The following BLTP1 variants were observed in gnomAD, a reference collection of about 807,000 sequenced individuals.
The protein encoded by BLTP1 is bridge-like lipid transfer protein family member 1.
chr4:122,195,752 G>A, the BLTP1 span: 62 of 515,004 alleles, frequency 1.2e-4, no homozygotes, highest in Non-Finnish European at 1.4e-4. Flanking sequence ...AACATTTGCA[G>A]AACTTTATTT....
At chr4:122,180,405 A>G in the BLTP1 span, among the ~76,000 whole-genome samples, 1 of 152,210 alleles carries the variant, frequency 6.6e-6, no homozygotes, top group African/African-American at 2.4e-5. Flanking sequence ...ATGTGATATA[A>G]TGTTCAGAAT....
chr4:122,157,154 C>T, the BLTP1 span, among the ~76,000 whole-genome samples: 1 of 152,214 alleles, frequency 6.6e-6, no homozygotes, highest in African/African-American at 2.4e-5. Context: ...TTACCCTTCT[C>T]ATACTTTGTA....
the BLTP1 span, chr4:122,239,434 A>G: frequency 1.7e-6 from 2 of 1,167,228 alleles, no homozygotes; most frequent in East Asian, 5.1e-5. Flanking sequence ...AAAATTACTA[A>G]AAGGATTTTT....
the BLTP1 span, chr4:122,154,845 C>G: frequency 1.1e-4 from 40 of 368,890 alleles, no homozygotes; most frequent in Non-Finnish European, 1.4e-4. Context: ...GCACTCCAGC[C>G]TGGGCGACAG....
chr4:122,258,109 G>T, the BLTP1 span, among the ~76,000 whole-genome samples: 1 of 152,008 alleles, frequency 6.6e-6, no homozygotes. Flanking sequence ...AAAGATAGTG[G>T]ATATACATTT....
chr4:122,231,618 T>C, the BLTP1 span: 15 of 950,894 alleles, frequency 1.6e-5, no homozygotes, highest in Non-Finnish European at 1.9e-5. Flanking sequence ...AGTTACTAAT[T>C]TGAGAAAGCC....
chr4:122,344,873 T>C, the BLTP1 span: 2 of 984,798 alleles, frequency 2.0e-6, no homozygotes, highest in Non-Finnish European at 2.4e-6. Flanking sequence ...CTTCTAATTG[T>C]AAATGCTTAA....
chr4:122,297,320 T>C, the BLTP1 span, among the ~76,000 whole-genome samples: 2 of 152,174 alleles, frequency 1.3e-5, no homozygotes, highest in East Asian at 3.8e-4. Context: ...GCATCACTGA[T>C]CATCAGAGAA....
the BLTP1 span, among the ~76,000 whole-genome samples, chr4:122,290,213 A>G: frequency 1.3e-5 from 2 of 152,170 alleles, no homozygotes; most frequent in Non-Finnish European, 2.9e-5. Context: ...GAGCTGTAGA[A>G]TTTTACAAGT....
chr4:122,208,326 A>G, the BLTP1 span: 1 of 831,040 alleles, frequency 1.2e-6, no homozygotes, highest in Non-Finnish European at 1.5e-6. Flanking sequence ...GTTATTGGGC[A>G]GTATAGCTTA....
the BLTP1 span, among the ~76,000 whole-genome samples, chr4:122,352,219 T>C: frequency 1.3e-5 from 2 of 152,204 alleles, no homozygotes; most frequent in Admixed American, 1.3e-4. Context: ...TTTGTTCTTC[T>C]GCTTATTCAC....
the BLTP1 span, chr4:122,203,736 A>G: frequency 3.8e-6 from 1 of 264,748 alleles, no homozygotes; most frequent in African/African-American, 2.3e-5. Context: ...AGAAACTGGT[A>G]GGTAAACTAA....
the BLTP1 span, among the ~76,000 whole-genome samples, chr4:122,274,044 A>T: frequency 6.6e-6 from 1 of 151,954 alleles, no homozygotes; most frequent in Admixed American, 6.6e-5. Context: ...TATTTCTGAG[A>T]TGTAAAATGC....
chr4:122,239,632 G>A, the BLTP1 span: 53 of 1,613,892 alleles, frequency 3.3e-5, no homozygotes, highest in South Asian at 4.4e-5. Flanking sequence ...TGTTCCACCC[G>A]TCTTGGAAGT....
chr4:122,340,928 A>T, the BLTP1 span: 2 of 739,806 alleles, frequency 2.7e-6, no homozygotes, highest in Non-Finnish European at 3.3e-6. Context: ...TTCTGTAGTG[A>T]TACCATATTT....
chr4:122,331,257 T>C, the BLTP1 span: 1 of 1,502,704 alleles, frequency 6.7e-7, no homozygotes, highest in East Asian at 2.4e-5. Flanking sequence ...ACATAACATG[T>C]TGGAAAATAG....
the BLTP1 span, chr4:122,234,937 G>A: frequency 1.9e-6 from 3 of 1,613,592 alleles, no homozygotes; most frequent in South Asian, 1.1e-5. Context: ...TCAAGCACAA[G>A]TGCAGAGTCT....
the BLTP1 span, chr4:122,175,890 T>A: frequency 1.9e-6 from 3 of 1,553,660 alleles, no homozygotes; most frequent in Non-Finnish European, 2.7e-6. Flanking sequence ...GTGGAAAATG[T>A]ATAACCCAAA....
At chr4:122,266,052 G>A in the BLTP1 span, among the ~76,000 whole-genome samples, 1 of 152,078 alleles carries the variant, frequency 6.6e-6, no homozygotes, top group South Asian at 2.1e-4. Flanking sequence ...TGTAGTGAAA[G>A]AGGAGGCTGA....
Sources: allele counts gnomAD v4.1 joint callset (sites outside exome capture counted in the v4.1 genomes callset), GRCh38; gene constraint gnomAD v4.1.1; transcripts MANE v1.5; gene names NCBI Gene and HGNC (gene_info 2026-07-23, HGNC 2026-07-21).